ANKRD30B: variants seen among roughly 807,000 people sequenced by gnomAD.
The protein encoded by ANKRD30B is ankyrin repeat domain 30B.
Under a neutral mutation model 202.2 loss-of-function variants are expected in ANKRD30B, and 144 were observed. The ratio of observed to expected loss-of-function variants is 0.71; its 90% CI spans 0.62 to 0.82. The LOEUF is 0.82. ANKRD30B is among the 40% of genes least tolerant of loss of function. The probability of loss-of-function intolerance (pLI) is 0.00; values close to 1 mark genes in which losing one functional copy is unlikely to be tolerated. For missense variants in ANKRD30B, 1,487 were observed against 1,669.1 expected (o/e 0.89, Z 1.90); for synonymous variants, 508 against 561.3 (o/e 0.91, Z 1.34).
At chr18:14,867,625 A>G in the ANKRD30B span, among the ~76,000 whole-genome samples, 3 of 152,160 alleles carry the variant, frequency 2.0e-5, no homozygotes, top group Admixed American at 6.5e-5. Context: ...ACGGGGGCTC[A>G]GGGTCCTGTG....
intron 18 of ANKRD30B, among the ~76,000 whole-genome samples, chr18:14,796,917 C>G (rs1397136498): frequency 2.0e-5 from 3 of 152,146 alleles, no homozygotes; most frequent in Admixed American, 1.3e-4. Context: ...TGCAGAAATA[C>G]AGTATACAGG....
the ANKRD30B span, among the ~76,000 whole-genome samples, chr18:14,886,221 G>GTGCC: frequency 2.0e-5 from 3 of 151,870 alleles, no homozygotes; most frequent in Non-Finnish European, 4.4e-5. Context: ...TAGAAAGCAT[G>GTGCC]TGCCAACTGA....
chr18:14,910,573 C>T, the ANKRD30B span, among the ~76,000 whole-genome samples: 26 of 151,536 alleles, frequency 1.7e-4, no homozygotes, highest in Admixed American at 2.6e-4. Flanking sequence ...TTGGGAATAG[C>T]GCTTCCATAA....
intron 37 of ANKRD30B, among the ~76,000 whole-genome samples, chr18:14,842,313 G>A (rs1273956432): frequency 6.6e-6 from 1 of 152,204 alleles, no homozygotes; most frequent in Admixed American, 6.5e-5. Context: ...TGATTACACT[G>A]CAAGGATATG....
At chr18:14,749,140 T>C (rs1257212674) in intron 1 of ANKRD30B, among the ~76,000 whole-genome samples, 1 of 152,224 alleles carries the variant, frequency 6.6e-6, no homozygotes, top group African/African-American at 2.4e-5. Flanking sequence ...AAATATGTTC[T>C]TTGCTGAGGG....
the ANKRD30B span, among the ~76,000 whole-genome samples, chr18:14,860,348 G>A: frequency 1.6e-4 from 19 of 119,386 alleles, no homozygotes; most frequent in East Asian, 3.9e-3. Context: ...TTCCCAGACA[G>A]GGCTGCCGGG....
chr18:14,758,082 T>G (rs1914662306), intron 5 of ANKRD30B, 130 bp downstream of exon 5: 1 of 975,800 alleles, frequency 1.0e-6, no homozygotes. Context: ...GAAGGAGTAC[T>G]GGGTCCAGGA....
chr18:14,866,390 A>C, the ANKRD30B span, among the ~76,000 whole-genome samples: 1 of 152,026 alleles, frequency 6.6e-6, no homozygotes, highest in Admixed American at 6.6e-5. Flanking sequence ...TGGAGCAGTA[A>C]GATCATGGCC....
chr18:14,836,509 A>G (rs1348179489), intron 34 of ANKRD30B, among the ~76,000 whole-genome samples: 1 of 152,052 alleles, frequency 6.6e-6, no homozygotes, highest in African/African-American at 2.4e-5. Flanking sequence ...CTCTCTACCT[A>G]TAATTTTGAA....
chr18:14,789,740 A>G (rs530038424), intron 15 of ANKRD30B, among the ~76,000 whole-genome samples: 4 of 152,100 alleles, frequency 2.6e-5, no homozygotes, highest in African/African-American at 4.8e-5. Flanking sequence ...GTTCTGTTCC[A>G]TTGATCTATA....
Position 14,748,582 on chromosome 18 carries a change from G to C in ANKRD30B, c.163G>C (p.Glu55Gln), listed in dbSNP as rs1333801984. 1.9e-6 allele frequency: 3 copies of C among 1,564,930 alleles called. No homozygotes were observed. The Admixed American group carries it at 5.7e-5, about 30-fold the overall frequency. ...AASRGQVQKLEKMTVGKKPVN... is the reference protein window; with the variant it reads ...AASRGQVQKLQKMTVGKKPVN... ...CTCCCGGGGCCAAGTCCAGAAGCTG[G>C]AGAAGATGACAGTAGGGAAGAAGCC... The change falls in exon 1 of 44, where the codon GAG (glutamate) becomes CAG (glutamine). Residue 55 changes from glutamate to glutamine, a missense_variant. Glu to Gln is a conservative substitution (Grantham distance 29, BLOSUM62 2). Around this residue, in one of 6 missense-constraint regions of ANKRD30B, gnomAD observed 889 missense variants for 841.4 expected, o/e 1.06. Coordinates refer to ENST00000690538, the MANE Select transcript of ANKRD30B (RefSeq NM_001367607.2).
chr18:14,930,748 G>A, the ANKRD30B span, among the ~76,000 whole-genome samples: 3 of 152,150 alleles, frequency 2.0e-5, no homozygotes, highest in Non-Finnish European at 4.4e-5. Context: ...TCCCCAGCAC[G>A]GTGGCTGAGC....
At chr18:14,933,815 G>A in the ANKRD30B span, among the ~76,000 whole-genome samples, 2 of 152,176 alleles carry the variant, frequency 1.3e-5, no homozygotes, top group Non-Finnish European at 1.5e-5. Context: ...TTGCAACTAC[G>A]TCAAGTGCAG....
chr18:14,820,744 G>A (rs951264896), intron 30 of ANKRD30B, among the ~76,000 whole-genome samples: 71 of 152,176 alleles, frequency 4.7e-4, no homozygotes, highest in Non-Finnish European at 9.0e-4. Flanking sequence ...GCTTTTTGAT[G>A]TGCTGCTGGA....
intron 16 of ANKRD30B, among the ~76,000 whole-genome samples, chr18:14,792,170 C>T (rs913927953): frequency 2.0e-5 from 3 of 152,098 alleles, no homozygotes; most frequent in Non-Finnish European, 2.9e-5. Context: ...GTGATTCAGC[C>T]GACTAGGGAT....
chr18:14,881,723 G>A, the ANKRD30B span, among the ~76,000 whole-genome samples: 1 of 151,312 alleles, frequency 6.6e-6, no homozygotes, highest in African/African-American at 2.4e-5. Flanking sequence ...CTGTGAATCT[G>A]TCTGGTCCTC....
intron 4 of ANKRD30B, among the ~76,000 whole-genome samples, chr18:14,756,193 A>G (rs1914330287): frequency 6.6e-6 from 1 of 152,158 alleles, no homozygotes; most frequent in African/African-American, 2.4e-5. Flanking sequence ...TTGGCTGCAT[A>G]AATGTCTTCT....
chr18:14,777,580 A>G (rs1351472237), intron 9 of ANKRD30B, among the ~76,000 whole-genome samples: 3 of 152,014 alleles, frequency 2.0e-5, no homozygotes, highest in African/African-American at 7.2e-5. Context: ...ACTGGCATGA[A>G]CCACTGCACC....
At chr18:14,808,188 T>C (rs550701536) in intron 24 of ANKRD30B, among the ~76,000 whole-genome samples, 2 of 146,744 alleles carry the variant, frequency 1.4e-5, no homozygotes, top group South Asian at 2.2e-4. Flanking sequence ...CTAGGACTTA[T>C]TTTTTTTTTG....
Sources: gnomAD v4.1 joint callset for allele counts (sites outside exome capture counted in the v4.1 genomes callset) on GRCh38, gnomAD v4.1.1 for gene constraint, gnomAD v4.1.1 regional missense constraint, MANE v1.5 for transcripts, NCBI Gene and HGNC (gene_info 2026-07-23, HGNC 2026-07-21) for gene names.